The following TOX variants were observed in gnomAD, a reference collection of about 807,000 sequenced individuals.
The protein encoded by TOX is thymocyte selection associated high mobility group box, also known as thymocyte selection-associated high mobility group box protein TOX.
TOX carries 11 observed loss-of-function variants against 53.7 expected under a neutral mutation model. That is an observed-to-expected ratio of 0.20 (90% CI 0.13 to 0.34). The LOEUF is 0.34. TOX is among the 10% of genes least tolerant of loss of function. TOX has a pLI of 1.00. For synonymous variants in TOX, 225 were observed against 245.3 expected (o/e 0.92, Z 0.77); for missense variants, 570 against 664.6 (o/e 0.86, Z 1.56).
At chr8:59,024,953 T>C (rs1444566936) in intron 1 of TOX, among the ~76,000 whole-genome samples, 1 of 152,214 alleles carries the variant, frequency 6.6e-6, no homozygotes, top group Non-Finnish European at 1.5e-5. Context: ...TTTTTAAATA[T>C]CAACTATTAA....
chr8:58,946,793 T>C (rs1179875921), intron 2 of TOX, among the ~76,000 whole-genome samples: 2 of 152,156 alleles, frequency 1.3e-5, no homozygotes, highest in Non-Finnish European at 2.9e-5. Context: ...TGTGTAAGCA[T>C]CCTGCAAAGA....
At chr8:59,044,412 G>C (rs913029962) in intron 1 of TOX, among the ~76,000 whole-genome samples, 1 of 152,120 alleles carries the variant, frequency 6.6e-6, no homozygotes, top group Non-Finnish European at 1.5e-5. Flanking sequence ...TCAAAAACAA[G>C]ATTTCCCACC....
At chr8:58,932,744 G>A (rs1239867581) in intron 3 of TOX, among the ~76,000 whole-genome samples, 10 of 151,982 alleles carry the variant, frequency 6.6e-5, no homozygotes, top group Non-Finnish European at 1.3e-4. Flanking sequence ...CTTGATGTGC[G>A]GCACTCCCTA....
chr8:58,899,155 G>A (rs1473647807), intron 3 of TOX, among the ~76,000 whole-genome samples: 1 of 152,192 alleles, frequency 6.6e-6, no homozygotes, highest in Non-Finnish European at 1.5e-5. Flanking sequence ...TTCTTTGTAA[G>A]TGGTAAAGAT....
chr8:58,867,003 A>G (rs1811114652), intron 3 of TOX, among the ~76,000 whole-genome samples: 1 of 152,232 alleles, frequency 6.6e-6, no homozygotes, highest in Non-Finnish European at 1.5e-5. Context: ...GAAAAGTGAG[A>G]AACTTGCACC....
intron 1 of TOX, among the ~76,000 whole-genome samples, chr8:59,086,081 G>A (rs992687396): frequency 6.0e-5 from 9 of 150,324 alleles, no homozygotes; most frequent in Non-Finnish European, 1.3e-4. Flanking sequence ...CGCCTGTGGG[G>A]TTCAAGTGAT....
rs1173710545 is a variant in TOX at position 58,873,958 on chromosome 8, C to CTTTTTTTTTTTTTTTTTTTTTTTT, written c.412-22177_412-22154dup. On this transcript the variant is annotated intron_variant, in intron 3 of 8. Transcript: ENST00000361421. Reference sequence around the variant, plus strand: ...AATACACATCCTGAATGCCAGGAAGCTTTTTTTTTTTTTTTTTTTTTTTTT... The same window carrying CTTTTTTTTTTTTTTTTTTTTTTTT: ...AATACACATCCTGAATGCCAGGAAGCTTTTTTTTTTTTTTTTTTTTTTTTTTTTTTTTTTTTTTTTTTTTTTTTT... Among the ~76,000 whole-genome samples, 75 of 40,136 alleles carry CTTTTTTTTTTTTTTTTTTTTTTTT rather than the reference C, an allele frequency of 1.9e-3. 19 individuals carry two copies. The highest frequency in any genetic ancestry group is 2.6e-3 in the African/African-American group (15 of 5,792). The allele number at this position is 40,136 out of a possible 152,430, so 26.3% of individuals were successfully genotyped here. A position where few individuals can be genotyped will look rare whatever the true frequency, so the allele number is the denominator to read the frequency against.
chr8:58,870,354 A>G (rs1002967727), intron 3 of TOX, among the ~76,000 whole-genome samples: 23 of 152,174 alleles, frequency 1.5e-4, no homozygotes, highest in African/African-American at 5.3e-4. Flanking sequence ...CAGGACTTAC[A>G]CACTGAAAAC....
At chr8:59,078,618 T>C (rs553534305) in intron 1 of TOX, among the ~76,000 whole-genome samples, 1 of 152,144 alleles carries the variant, frequency 6.6e-6, no homozygotes, top group Non-Finnish European at 1.5e-5. Context: ...AAACCTCTTT[T>C]CTTTATAAAT....
chr8:58,863,658 T>C (rs1310490710), intron 3 of TOX, among the ~76,000 whole-genome samples: 2 of 152,194 alleles, frequency 1.3e-5, no homozygotes, highest in Admixed American at 1.3e-4. Flanking sequence ...GAAGGACTTA[T>C]AGGGGAGGAT....
At chr8:58,866,718 T>A (rs992211981) in intron 3 of TOX, among the ~76,000 whole-genome samples, 9 of 152,196 alleles carry the variant, frequency 5.9e-5, no homozygotes, top group Non-Finnish European at 1.3e-4. Flanking sequence ...ATAGAAGAAT[T>A]CAAATACTGA....
At position 59,116,410 on chromosome 8, in the gene TOX, C is replaced by T. The variant is rs554913370; in HGVS notation, c.102+2476G>A. ...TACTTCACCTTTTCCAAACTTCTGT[C>T]CTTCTTCCATTTCCCTGCAAATCCA... is the stretch of plus-strand genomic sequence containing the variant. On this transcript the variant is annotated intron_variant, in intron 1 of 8. Coordinates refer to ENST00000361421, the MANE Select transcript of TOX (RefSeq NM_014729.3). Among the ~76,000 whole-genome samples the T allele has an allele frequency of 5.2e-3, 791 of 152,348 alleles. 5 individuals are homozygous for T. Among genetic ancestry groups the T allele is most frequent in the Non-Finnish European group, 8.4e-3 (571 of 68,030 alleles).
In TOX at chr8:59,092,760, CCT is replaced by C. The variant is rs557188119; in HGVS notation, c.102+26124_102+26125del. 3.5e-3 allele frequency among the ~76,000 whole-genome samples: 536 copies of C among 152,190 alleles called. 4 individuals carry two copies. The highest frequency in any genetic ancestry group is 0.012 in the African/African-American group (499 of 41,536). On this transcript the variant is annotated intron_variant, in intron 1 of 8. Transcript: ENST00000361421. ...CTTTGAGATCCAGGCCAGGTTACAGCCTCTTTTTGTGCTGTGTGTTGTTCCAT... is the reference window on the plus strand; with the variant it reads ...CTTTGAGATCCAGGCCAGGTTACAGCCTTTTTGTGCTGTGTGTTGTTCCAT...
intron 1 of TOX, among the ~76,000 whole-genome samples, chr8:59,035,105 T>C (rs958119774): frequency 1.3e-5 from 2 of 152,170 alleles, no homozygotes; most frequent in African/African-American, 2.4e-5. Flanking sequence ...ACCACCCCAG[T>C]TTATCTTGAG....
At chr8:59,078,095 T>C (rs1020105854) in intron 1 of TOX, among the ~76,000 whole-genome samples, 2 of 152,188 alleles carry the variant, frequency 1.3e-5, no homozygotes, top group Non-Finnish European at 2.9e-5. Flanking sequence ...CCAAAAGTCA[T>C]AAAGCTTAAT....
chr8:58,832,779 T>C (rs914760424), intron 5 of TOX, among the ~76,000 whole-genome samples: 7 of 152,188 alleles, frequency 4.6e-5, no homozygotes, highest in Admixed American at 4.6e-4. Context: ...GTGTCAGATC[T>C]GCCCTTATAT....
chr8:59,010,320 A>G (rs1371300565), intron 1 of TOX, among the ~76,000 whole-genome samples: 6 of 152,214 alleles, frequency 3.9e-5, no homozygotes, highest in Admixed American at 3.9e-4. Flanking sequence ...AATTATTATG[A>G]CTATTACTAT....
chr8:59,016,365 A>G (rs1814009610), intron 1 of TOX, among the ~76,000 whole-genome samples: 1 of 152,210 alleles, frequency 6.6e-6, no homozygotes, highest in Non-Finnish European at 1.5e-5. Flanking sequence ...TAATTAAAGT[A>G]TCAATTTAAT....
chr8:58,818,256 C>G (rs1326623451), intron 6 of TOX, among the ~76,000 whole-genome samples: 1 of 152,178 alleles, frequency 6.6e-6, no homozygotes, highest in Admixed American at 6.5e-5. Flanking sequence ...AACTTTTAAT[C>G]ACTAGAATAA....
Sources: allele counts gnomAD v4.1 joint callset (sites outside exome capture counted in the v4.1 genomes callset), GRCh38; gene constraint gnomAD v4.1.1; transcripts MANE v1.5; gene names NCBI Gene and HGNC (gene_info 2026-07-23, HGNC 2026-07-21).